CLASP2: variants seen among roughly 807,000 people sequenced by gnomAD.
The protein encoded by CLASP2 is cytoplasmic linker associated protein 2.
Under a neutral mutation model 194.4 loss-of-function variants are expected in CLASP2, and 47 were observed. The ratio of observed to expected loss-of-function variants is 0.24; its 90% confidence interval spans 0.19 to 0.31. CLASP2 has a LOEUF of 0.31. Ranked by LOEUF, CLASP2 falls within the 10% of genes least tolerant of loss-of-function variation. The pLI is 1.00. For synonymous variants in CLASP2, 619 were observed against 633.5 expected (o/e 0.98, Z 0.34); for missense variants, 1,445 against 1,823.6 (o/e 0.79, Z 3.78).
chr3:33,570,868 T>C, intron 25 of CLASP2, 78 bp from the exon 26 acceptor site: 2 of 1,175,962 alleles, frequency 1.7e-6, no homozygotes, highest in Non-Finnish European at 2.2e-6. Context: ...CATATAATTT[T>C]CTTTAAAAAA....
intron 30 of CLASP2, among the ~76,000 whole-genome samples, chr3:33,546,514 TA>T (rs1442758177): frequency 1.3e-5 from 2 of 152,234 alleles, no homozygotes; most frequent in Non-Finnish European, 1.5e-5. Flanking sequence ...ATACAGATTT[TA>T]AAAAACCAGT....
chr3:33,650,463 A>T (rs1213740448), intron 7 of CLASP2, among the ~76,000 whole-genome samples: 1 of 152,244 alleles, frequency 6.6e-6, no homozygotes. Flanking sequence ...AAACTGAACA[A>T]GATAAGCATA....
chr3:33,684,611 G>A (rs898054055), intron 5 of CLASP2, among the ~76,000 whole-genome samples, 155 bp from the exon 6 acceptor site: 17 of 152,016 alleles, frequency 1.1e-4, no homozygotes, highest in African/African-American at 4.1e-4. Flanking sequence ...AAAACAAGAG[G>A]GCCTGCCAAG....
Position 33,517,060 on chromosome 3 carries a change from T to C in CLASP2, c.3902A>G (p.Gln1301Arg), listed in dbSNP as rs1370971265. 6.2e-7 allele frequency: 1 copy of C among 1,613,774 alleles called. No individual in the cohort carries two copies. Among genetic ancestry groups the C allele is most frequent in the South Asian group, 1.1e-5 (1 of 91,066 alleles). The change falls in exon 35 of 39, where the codon CAG becomes CGG. Residue 1301 changes from glutamine (Q) to arginine (R), a missense_variant. Physicochemically the swap from Gln to Arg is conservative, Grantham distance 43 (BLOSUM62 1). This residue lies in a region of CLASP2 where 732 missense variants were observed against 987.9 expected (regional missense o/e 0.74). Coordinates refer to ENST00000682230, the MANE Select transcript of CLASP2 (RefSeq NM_001365631.1). ...IALYELMKLTQEESFSVWDEH... is the reference protein window; with the variant it reads ...IALYELMKLTREESFSVWDEH... ...ATCCCAAACACTAAAAGATTCTTCCTGTGTCAGTTTCATAAGTTCATAGAG... is the reference window on the plus strand; with the variant it reads ...ATCCCAAACACTAAAAGATTCTTCCCGTGTCAGTTTCATAAGTTCATAGAG...
At chr3:33,694,497 G>T (rs374898370) in intron 2 of CLASP2, among the ~76,000 whole-genome samples, 1 of 152,148 alleles carries the variant, frequency 6.6e-6, no homozygotes, top group Non-Finnish European at 1.5e-5. Context: ...AAACACAAAT[G>T]TTTATGGTCA....
chr3:33,536,360 A>G (rs1003154452), intron 33 of CLASP2, among the ~76,000 whole-genome samples: 1 of 152,182 alleles, frequency 6.6e-6, no homozygotes, highest in Admixed American at 6.5e-5. Flanking sequence ...AAATAGGATG[A>G]GTAGGGTTCA....
At chr3:33,510,313 T>C (rs1473604267) in intron 37 of CLASP2, among the ~76,000 whole-genome samples, 1 of 152,182 alleles carries the variant, frequency 6.6e-6, no homozygotes. Context: ...GATGGTTGCA[T>C]AACACTGTGA....
At chr3:33,654,312 T>C (rs2083767061) in intron 7 of CLASP2, among the ~76,000 whole-genome samples, 1 of 152,152 alleles carries the variant, frequency 6.6e-6, no homozygotes, top group Middle Eastern at 3.2e-3. Context: ...ACACACAGGA[T>C]TTTGTGGAAA....
chr3:33,655,588 T>C (rs992607497), intron 7 of CLASP2, among the ~76,000 whole-genome samples: 1 of 152,222 alleles, frequency 6.6e-6, no homozygotes, highest in Non-Finnish European at 1.5e-5. Flanking sequence ...AAAGTTAGCC[T>C]TCTTGCCAGT....
chr3:33,499,134 T>A (rs1012698065), intron 38 of CLASP2, among the ~76,000 whole-genome samples: 2 of 152,132 alleles, frequency 1.3e-5, no homozygotes, highest in African/African-American at 4.8e-5. Context: ...TGTGCTGCTC[T>A]AGTGATAGTG....
intron 18 of CLASP2, chr3:33,602,543 A>G (rs780494974): frequency 1.3e-6 from 1 of 763,118 alleles, no homozygotes; most frequent in Admixed American, 1.7e-5. Context: ...TTGGTTAGAC[A>G]GAGTAGAGCT....
chr3:33,516,638 G>T, intron 35 of CLASP2, among the ~76,000 whole-genome samples: 1 of 152,098 alleles, frequency 6.6e-6, no homozygotes, highest in East Asian at 1.9e-4. Flanking sequence ...CTGCATTCCA[G>T]CCTGGGCTTG....
intron 6 of CLASP2, among the ~76,000 whole-genome samples, chr3:33,676,478 G>A (rs951029941): frequency 1.4e-4 from 21 of 150,430 alleles, no homozygotes; most frequent in Non-Finnish European, 2.1e-4. Context: ...AATAAACGGT[G>A]CTGGGAAAAC....
chr3:33,518,869 T>C (rs576720790), intron 34 of CLASP2, among the ~76,000 whole-genome samples: 73 of 152,216 alleles, frequency 4.8e-4, no homozygotes, highest in Non-Finnish European at 2.5e-4. Flanking sequence ...ATTATCTATA[T>C]GAATGAGATA....
intron 36 of CLASP2, among the ~76,000 whole-genome samples, chr3:33,511,028 G>GTTTTTTT (rs1559793135): frequency 7.1e-6 from 1 of 141,170 alleles, no homozygotes; most frequent in Admixed American, 7.5e-5. Context: ...GTTGGCTAAA[G>GTTTTTTT]TATTTTTTTT....
intron 5 of CLASP2, 35 bp from the exon 6 acceptor site, chr3:33,684,491 T>G (rs1239512738): frequency 7.4e-7 from 1 of 1,349,326 alleles, no homozygotes; most frequent in Admixed American, 1.9e-5. Flanking sequence ...AATAAACTTA[T>G]ATATGATACA....
chr3:33,688,835 G>C (rs2091019164), intron 3 of CLASP2, among the ~76,000 whole-genome samples: 1 of 151,844 alleles, frequency 6.6e-6, no homozygotes. Flanking sequence ...TTTAATGCTG[G>C]ATCCAAATTC....
chr3:33,506,992 GC>G (rs1356191829), intron 37 of CLASP2, among the ~76,000 whole-genome samples: 2 of 148,572 alleles, frequency 1.3e-5, no homozygotes, highest in South Asian at 2.1e-4. Context: ...AGGCTGGAGT[GC>G]AATGGCTCAA....
intron 13 of CLASP2, among the ~76,000 whole-genome samples, chr3:33,610,098 C>T (rs978862668): frequency 2.6e-5 from 4 of 152,210 alleles, no homozygotes; most frequent in African/African-American, 9.6e-5. Flanking sequence ...CACAGTTCAA[C>T]ACAGTTCTAG....
Sources: gnomAD v4.1 joint callset for allele counts (sites outside exome capture counted in the v4.1 genomes callset) on GRCh38, gnomAD v4.1.1 for gene constraint, gnomAD v4.1.1 regional missense constraint, MANE v1.5 for transcripts, NCBI Gene and HGNC (gene_info 2026-07-23, HGNC 2026-07-21) for gene names.